Variants in SLC14A2 observed in about 807,000 individuals in gnomAD.
SLC14A2 encodes solute carrier family 14 member 2.
Under a neutral mutation model 104.6 loss-of-function variants are expected in SLC14A2, and 91 were observed. The observed-to-expected ratio is 0.87, with a 90% confidence interval of 0.73 to 1.04. The LOEUF (loss-of-function observed/expected upper bound fraction) is 1.04, where lower values mean the gene tolerates loss of function less well. Among genes scored for constraint, SLC14A2 ranks in the 50% least tolerant of loss-of-function variants. SLC14A2 has a pLI of 0.00. For missense variants in SLC14A2, 1,189 were observed against 1,156.0 expected (o/e 1.03, Z -0.41); for synonymous variants, 476 against 466.4 (o/e 1.02, Z -0.27).
intron 1 of SLC14A2, among the ~76,000 whole-genome samples, chr18:45,618,536 G>T (rs1227658111): frequency 6.6e-6 from 1 of 151,918 alleles, no homozygotes; most frequent in East Asian, 1.9e-4. Flanking sequence ...AGGCGTGGTG[G>T]CAGGCGCCTG....
chr18:45,211,180 C>T (rs568479606), upstream of SLC14A2, among the ~76,000 whole-genome samples: 1 of 152,286 alleles, frequency 6.6e-6, no homozygotes, highest in East Asian at 1.9e-4. Flanking sequence ...CCAGAGTTCA[C>T]CTTTATCATG....
chr18:45,206,928 C>T, the SLC14A2 span, among the ~76,000 whole-genome samples: 1 of 152,138 alleles, frequency 6.6e-6, no homozygotes. Context: ...TATTCTGGTC[C>T]AGTGAGGCAA....
chr18:45,299,406 C>T (rs1360501208), intron 1 of SLC14A2, among the ~76,000 whole-genome samples: 4 of 152,244 alleles, frequency 2.6e-5, no homozygotes, highest in Non-Finnish European at 5.9e-5. Context: ...GGTGCACACA[C>T]ACATGTGCGC....
chr18:45,651,284 G>C (rs1017092855), intron 10 of SLC14A2, among the ~76,000 whole-genome samples: 3 of 152,088 alleles, frequency 2.0e-5, no homozygotes, highest in Admixed American at 1.3e-4. Context: ...TTTGGCAAAG[G>C]AGGGCATGCC....
the SLC14A2 span, among the ~76,000 whole-genome samples, chr18:45,205,445 GA>G: frequency 2.0e-5 from 3 of 152,174 alleles, no homozygotes; most frequent in Non-Finnish European, 4.4e-5. Flanking sequence ...ATTATCTGGG[GA>G]TAGAAGGAGC....
chr18:45,649,750 T>C (rs542197530), intron 10 of SLC14A2, among the ~76,000 whole-genome samples: 9 of 152,356 alleles, frequency 5.9e-5, no homozygotes, highest in African/African-American at 2.2e-4. Flanking sequence ...GTCTCTCCCC[T>C]CAGTGGTCTC....
chr18:45,590,861 C>T (rs2044637632), intron 2 of SLC14A2, among the ~76,000 whole-genome samples: 1 of 152,226 alleles, frequency 6.6e-6, no homozygotes, highest in South Asian at 2.1e-4. Flanking sequence ...TCACTTCATC[C>T]TAACAACCCT....
chr18:45,267,442 C>T, intron 1 of SLC14A2, among the ~76,000 whole-genome samples: 2 of 152,260 alleles, frequency 1.3e-5, no homozygotes, highest in South Asian at 4.1e-4. Context: ...TGCTGTCAAC[C>T]CTTTTAGACT....
intron 2 of SLC14A2, among the ~76,000 whole-genome samples, chr18:45,567,086 G>GTGTGTA (rs1448217622): frequency 2.7e-5 from 4 of 150,044 alleles, no homozygotes; most frequent in Admixed American, 1.3e-4. Context: ...GTGTGTGTGT[G>GTGTGTA]TGTGTGTGTG....
chr18:45,445,875 G>A (rs1193456487), intron 1 of SLC14A2, among the ~76,000 whole-genome samples: 4 of 152,148 alleles, frequency 2.6e-5, no homozygotes, highest in Non-Finnish European at 2.9e-5. Context: ...AATGCCTAGA[G>A]AAGCCACATT....
intron 2 of SLC14A2, among the ~76,000 whole-genome samples, chr18:45,494,850 C>A (rs1157334187): frequency 6.6e-6 from 1 of 151,938 alleles, no homozygotes; most frequent in Non-Finnish European, 1.5e-5. Context: ...CACCTTCCAG[C>A]CCGTTCTTGG....
chr18:45,446,188 C>T (rs913720563), intron 1 of SLC14A2, among the ~76,000 whole-genome samples: 1 of 152,164 alleles, frequency 6.6e-6, no homozygotes, highest in African/African-American at 2.4e-5. Context: ...TATAATTGTT[C>T]TCTCATTGAA....
chr18:45,479,461 A>C (rs2144692728), intron 1 of SLC14A2, among the ~76,000 whole-genome samples: 1 of 152,292 alleles, frequency 6.6e-6, no homozygotes, highest in South Asian at 2.1e-4. Context: ...CAGCGTAATA[A>C]AGCATACTTC....
intron 1 of SLC14A2, among the ~76,000 whole-genome samples, chr18:45,243,866 G>A (rs2084342437): frequency 6.6e-6 from 1 of 152,166 alleles, no homozygotes; most frequent in Admixed American, 6.5e-5. Flanking sequence ...AAGCCTTCCG[G>A]TTTGGTTTTG....
intron 1 of SLC14A2, among the ~76,000 whole-genome samples, chr18:45,472,177 T>C (rs1286847011): frequency 6.6e-6 from 1 of 152,008 alleles, no homozygotes; most frequent in Non-Finnish European, 1.5e-5. Context: ...GGTTTCCAGC[T>C]TCATCCATGT....
chr18:45,561,581 A>G (rs1043708629), intron 2 of SLC14A2, among the ~76,000 whole-genome samples: 1 of 152,198 alleles, frequency 6.6e-6, no homozygotes, highest in Non-Finnish European at 1.5e-5. Flanking sequence ...CTCACCAAGC[A>G]GAAATAGTGA....
chr18:45,467,750 C>T (rs2067), intron 1 of SLC14A2, among the ~76,000 whole-genome samples: 128,040 of 152,182 alleles, frequency 0.84, 53,889 homozygotes, highest in South Asian at 0.93. Context: ...CTACTCAGTC[C>T]AGGACATCGG....
intron 1 of SLC14A2, among the ~76,000 whole-genome samples, chr18:45,431,473 A>T (rs576558639): frequency 5.9e-5 from 9 of 152,200 alleles, no homozygotes; most frequent in Admixed American, 5.2e-4. Flanking sequence ...TTATTTTTTT[A>T]AAAAACTACT....
At position 45,312,584 on chromosome 18, in the gene SLC14A2, A is replaced by T. The variant is rs2144219614; in HGVS notation, c.-125+99393A>T. On this transcript the variant is annotated intron_variant, in intron 1 of 20. Coordinates refer to the SLC14A2 transcript ENST00000586448. ...TGGGGGGAAAATGTGGATCAGAAAA[A>T]ATTATTGCTACAAAAATATTTTCAG... Among the ~76,000 whole-genome samples the T allele has an allele frequency of 2.6e-5, 4 of 152,242 alleles. 1 individual carries two copies. In the South Asian group the frequency reaches 8.3e-4, roughly 32 times the overall value.
Sources: allele counts gnomAD v4.1 joint callset (sites outside exome capture counted in the v4.1 genomes callset), GRCh38; gene constraint gnomAD v4.1.1; transcripts MANE v1.5; gene names NCBI Gene and HGNC (gene_info 2026-07-23, HGNC 2026-07-21).